PIBF1: variants seen among roughly 807,000 people sequenced by gnomAD.
The protein encoded by PIBF1 is progesterone immunomodulatory binding factor 1.
Under a neutral mutation model 112.5 loss-of-function variants are expected in PIBF1, and 90 were observed. The ratio of observed to expected loss-of-function variants is 0.80; its 90% CI spans 0.67 to 0.95. The LOEUF is 0.95. Ranked by LOEUF, PIBF1 falls within the 40% of genes least tolerant of loss-of-function variation. The pLI, the probability that PIBF1 is intolerant of heterozygous loss-of-function variation, is 0.00. For missense variants in PIBF1, 915 were observed against 852.3 expected (o/e 1.07, Z -0.92); for synonymous variants, 301 against 288.6 (o/e 1.04, Z -0.44).
At chr13:72,894,782 T>TAC (rs1566416534) in intron 11 of PIBF1, among the ~76,000 whole-genome samples, 1 of 146,502 alleles carries the variant, frequency 6.8e-6, no homozygotes, top group East Asian at 2.0e-4. Context: ...AGTGTGTGTG[T>TAC]GTGTGTGTGT....
intron 16 of PIBF1, among the ~76,000 whole-genome samples, chr13:72,981,731 C>G (rs1384878600): frequency 6.6e-6 from 1 of 152,202 alleles, no homozygotes; most frequent in East Asian, 1.9e-4. Context: ...TTTAGCAGCA[C>G]TTAGCACCCC....
intron 5 of PIBF1, among the ~76,000 whole-genome samples, chr13:72,819,184 T>G (rs2036430475): frequency 6.6e-6 from 1 of 152,004 alleles, no homozygotes; most frequent in Non-Finnish European, 1.5e-5. Flanking sequence ...AGCCGTAGGG[T>G]AAGATTAGGC....
rs1284440387 is a variant in PIBF1 at position 72,783,654 on chromosome 13, T to C, written c.185T>C (p.Leu62Ser). 3 of 1,613,790 alleles carry C rather than the reference T, an allele frequency of 1.9e-6. No homozygotes were observed. The highest frequency in any genetic ancestry group is 1.1e-5 in the South Asian group (1 of 91,080). ...ERKELLHNIQ[L>S]LKIELSQKTM... Reference sequence around the variant, plus strand: ...AAAGAACTACTTCATAATATTCAGTTACTAAAAATTGAGCTATCCCAGAAA... The same window carrying C: ...AAAGAACTACTTCATAATATTCAGTCACTAAAAATTGAGCTATCCCAGAAA... Residue 62 changes from leucine to serine, a missense_variant, in exon 2 of 18, where the codon TTA becomes TCA. Physicochemically the swap from Leu to Ser is moderately radical, Grantham distance 145. Transcript: ENST00000326291.
intron 17 of PIBF1, among the ~76,000 whole-genome samples, chr13:73,013,749 A>AGG (rs1417338449): frequency 6.7e-4 from 86 of 128,552 alleles, no homozygotes; most frequent in Non-Finnish European, 1.3e-3. Flanking sequence ...AAAAAAAAAA[A>AGG]AAAAGAAAAA....
intron 10 of PIBF1, among the ~76,000 whole-genome samples, chr13:72,879,373 T>C (rs1161313082): frequency 6.6e-6 from 1 of 152,088 alleles, no homozygotes; most frequent in Admixed American, 6.6e-5. Context: ...AGAGAAGGAA[T>C]GTTCTGAGTT....
intron 14 of PIBF1, among the ~76,000 whole-genome samples, chr13:72,956,499 G>A (rs1233531216): frequency 6.6e-6 from 1 of 152,098 alleles, no homozygotes; most frequent in East Asian, 1.9e-4. Context: ...TCTCCTCAGT[G>A]GTCATTAATG....
intron 5 of PIBF1, among the ~76,000 whole-genome samples, chr13:72,799,084 T>C (rs1658928423): frequency 1.3e-5 from 2 of 152,214 alleles, no homozygotes; most frequent in South Asian, 4.1e-4. Context: ...CGTTAGGTGA[T>C]ATTTTGACAC....
intron 17 of PIBF1, among the ~76,000 whole-genome samples, chr13:73,005,563 A>ATTTAAAAATTG (rs2044007796): frequency 6.6e-5 from 10 of 152,138 alleles, no homozygotes; most frequent in South Asian, 4.1e-4. Context: ...GGTTACAAAA[A>ATTTAAAAATTG]TAATTTTTCT....
At chr13:72,847,290 A>G (rs2037919145) in intron 9 of PIBF1, among the ~76,000 whole-genome samples, 1 of 152,230 alleles carries the variant, frequency 6.6e-6, no homozygotes, top group African/African-American at 2.4e-5. Context: ...TCTTCAGTCC[A>G]TTTTATGCTG....
chr13:72,958,449 A>G (rs1290176040), intron 14 of PIBF1, among the ~76,000 whole-genome samples: 1 of 152,028 alleles, frequency 6.6e-6, no homozygotes, highest in Non-Finnish European at 1.5e-5. Context: ...CCATTCATGA[A>G]TTTTCCTTAC....
intron 11 of PIBF1, among the ~76,000 whole-genome samples, chr13:72,899,390 C>A (rs1362198323): frequency 1.3e-5 from 2 of 152,124 alleles, no homozygotes; most frequent in African/African-American, 4.8e-5. Flanking sequence ...TACTAGCTAA[C>A]CAAATCCAAC....
chr13:72,822,443 T>C (rs961774381), intron 6 of PIBF1, among the ~76,000 whole-genome samples: 16 of 152,178 alleles, frequency 1.1e-4, no homozygotes, highest in African/African-American at 3.9e-4. Context: ...TTCTTTTCTG[T>C]TGTTTGTTCA....
At chr13:72,994,396 G>A (rs1440023163) in intron 16 of PIBF1, among the ~76,000 whole-genome samples, 1 of 152,188 alleles carries the variant, frequency 6.6e-6, no homozygotes, top group Non-Finnish European at 1.5e-5. Context: ...TTGTTGGAAA[G>A]TTGAAGTACA....
chr13:72,825,892 C>T (rs1244510040), intron 6 of PIBF1, among the ~76,000 whole-genome samples: 1 of 145,604 alleles, frequency 6.9e-6, no homozygotes, highest in South Asian at 2.2e-4. Context: ...ATAGCAAGAC[C>T]GTCTTTACAA....
chr13:72,919,363 T>C (rs2041215376), intron 13 of PIBF1, among the ~76,000 whole-genome samples: 1 of 152,188 alleles, frequency 6.6e-6, no homozygotes, highest in Non-Finnish European at 1.5e-5. Flanking sequence ...AGAAAGTATA[T>C]ATTTGTAGCT....
chr13:72,785,920 T>C (rs1177815268), intron 2 of PIBF1, among the ~76,000 whole-genome samples: 7 of 152,204 alleles, frequency 4.6e-5, no homozygotes. Context: ...CTTTATATTA[T>C]AGAAATGTTG....
intron 16 of PIBF1, among the ~76,000 whole-genome samples, chr13:72,987,913 A>T (rs951758491): frequency 4.3e-4 from 51 of 119,672 alleles, no homozygotes; most frequent in Admixed American, 2.9e-3. Flanking sequence ...GCCAGACTGG[A>T]GTGCAGTGGT....
intron 5 of PIBF1, among the ~76,000 whole-genome samples, chr13:72,817,782 G>C (rs2036349785): frequency 6.6e-6 from 1 of 152,162 alleles, no homozygotes; most frequent in Admixed American, 6.5e-5. Flanking sequence ...ACTCTCTATA[G>C]CTTTAACAAT....
chr13:72,893,200 G>A (rs768090554), intron 10 of PIBF1, among the ~76,000 whole-genome samples: 5 of 151,992 alleles, frequency 3.3e-5, no homozygotes, highest in Middle Eastern at 3.2e-3. Context: ...TTTTATTACC[G>A]GTTATACCTA....
Sources: allele counts gnomAD v4.1 joint callset (sites outside exome capture counted in the v4.1 genomes callset), GRCh38; gene constraint gnomAD v4.1.1; transcripts MANE v1.5; gene names NCBI Gene and HGNC (gene_info 2026-07-23, HGNC 2026-07-21).